Variants in BOP1 observed in about 807,000 individuals in gnomAD.
BOP1 encodes the protein BOP1 ribosomal biogenesis factor.
In BOP1, 54 loss-of-function variants were observed where a neutral mutation model predicts 82.9. The ratio of observed to expected loss-of-function variants is 0.65; its 90% CI spans 0.52 to 0.82. The LOEUF (loss-of-function observed/expected upper bound fraction) is 0.82. BOP1 is among the 40% of genes least tolerant of loss of function. The probability of loss-of-function intolerance (pLI) is 0.00; values close to 1 mark genes in which losing one functional copy is unlikely to be tolerated. For synonymous variants in BOP1, 566 were observed against 451.1 expected (o/e 1.25, Z -3.23); for missense variants, 1,170 against 1,072.0 (o/e 1.09, Z -1.28).
rs782795492 is a variant in BOP1 at position 144,263,238 on chromosome 8, G to A, written c.1588C>T (p.Arg530Cys). The A allele has an allele frequency of 1.1e-5, 18 of 1,594,724 alleles. No individual in the cohort carries two copies. The highest frequency in any genetic ancestry group is 6.7e-5 in the East Asian group (3 of 44,834). Residue 530 changes from arginine to cysteine, a missense_variant, in exon 12 of 16, where the codon CGC becomes TGC. Arg to Cys is a radical substitution (Grantham distance 180). Transcript: ENST00000569669. ...EEERQVGLRL[R>C]ICHGKPVTQV... Reference sequence around the variant, plus strand: ...CCACGTACCTTCCCGTGGCAGATGCGCAGCCGCAGGCCCACTTGGCGCTCC... The same window carrying A: ...CCACGTACCTTCCCGTGGCAGATGCACAGCCGCAGGCCCACTTGGCGCTCC...
At position 144,289,304 on chromosome 8, in the gene BOP1, G is replaced by T; in HGVS notation, c.100C>A (p.Pro34Thr). Reference protein sequence around the residue: ...PELEPEPEPEPPLLCTSPLSH... With the variant: ...PELEPEPEPETPLLCTSPLSH... ...AGAGGAGAGGTGCAGAGGAGGGGGGGCTGCAAGGAAACACTGGGTTGGTGA... is the reference window on the plus strand; with the variant it reads ...AGAGGAGAGGTGCAGAGGAGGGGGGTCTGCAAGGAAACACTGGGTTGGTGA... Residue 34 changes from proline (P) to threonine (T), a missense_variant and splice_region_variant, in exon 2 of 16, where the codon CCC becomes ACC. By Grantham distance (38) the Pro-to-Thr change is conservative (BLOSUM62 -1). Coordinates refer to ENST00000569669, the MANE Select transcript of BOP1 (RefSeq NM_015201.5). 1.9e-6 allele frequency: 3 copies of T among 1,613,452 alleles called. No individual in the cohort carries two copies. Among genetic ancestry groups the T allele is most frequent in the Admixed American group, 3.3e-5 (2 of 59,962 alleles).
chr8:144,291,106 G>C lies in BOP1; in HGVS notation c.99+166C>G, dbSNP rs1554840137. 5.3e-5 allele frequency among the ~76,000 whole-genome samples: 8 copies of C among 150,690 alleles called. No individual in the cohort carries two copies. Among genetic ancestry groups the C allele is most frequent in the Non-Finnish European group, 4.4e-5 (3 of 67,710 alleles). On this transcript the variant is annotated intron_variant, in intron 1 of 15. Coordinates refer to ENST00000569669, the MANE Select transcript of BOP1 (RefSeq NM_015201.5). This position sits in a 1 kb window ranked among gnomAD's most constrained non-coding sequence, Gnocchi z 4.1. The stretch of plus-strand genomic sequence containing the variant: ...GACGCCGTCCTTTACCCCGCAGTCC[G>C]CTCTGCCTGAGACCCCCCGATAGAG...
In BOP1 at chr8:144,262,653, C is replaced by A; in HGVS notation, c.1914G>T (p.Gly638=). The change falls in exon 14 of 16, where the codon GGG becomes GGT. Residue 638 remains glycine (G), a synonymous_variant. Transcript: ENST00000569669. ...VHPAGDNVIC[G]SYDSKLVWFD... ...ACCACACCAGCTTGCTATCGTAGCT[C>A]CCACAGATGACGTTGTCACCTAGGG... 6 of 1,613,416 alleles carry A rather than the reference C, an allele frequency of 3.7e-6. No individual in the cohort carries two copies. The highest frequency in any genetic ancestry group is 5.1e-6 in the Non-Finnish European group (6 of 1,179,808).
In BOP1 at chr8:144,289,303, G is replaced by T. The variant is rs782348320; in HGVS notation, c.101C>A (p.Pro34His). 2.1e-5 allele frequency: 34 copies of T among 1,613,394 alleles called. No individual in the cohort carries two copies. The highest frequency in any genetic ancestry group is 8.3e-5 in the Admixed American group (5 of 59,940). ...PELEPEPEPE[P>H]PLLCTSPLSH... Reference sequence around the variant, plus strand: ...GAGAGGAGAGGTGCAGAGGAGGGGGGGCTGCAAGGAAACACTGGGTTGGTG... The same window carrying T: ...GAGAGGAGAGGTGCAGAGGAGGGGGTGCTGCAAGGAAACACTGGGTTGGTG... Residue 34 changes from proline to histidine, a missense_variant and splice_region_variant, in exon 2 of 16, where the codon CCC becomes CAC. Coordinates refer to ENST00000569669, the MANE Select transcript of BOP1 (RefSeq NM_015201.5).
At chr8:144,267,548 G>A (rs1845404581) in intron 3 of BOP1, among the ~76,000 whole-genome samples, 1 of 152,250 alleles carries the variant, frequency 6.6e-6, no homozygotes, top group African/African-American at 2.4e-5. Flanking sequence ...CAGAAAGTAA[G>A]AGGCTGCAAG....
intron 3 of BOP1, chr8:144,265,363 G>A: frequency 1.8e-6 from 1 of 548,908 alleles, no homozygotes; most frequent in East Asian, 3.1e-5. Context: ...CTTGGCCAGG[G>A]CTCTGGGCAG....
At position 144,291,013 on chromosome 8, in the gene BOP1, C is replaced by A. The variant is rs1484382857; in HGVS notation, c.99+259G>T. 1.3e-5 allele frequency among the ~76,000 whole-genome samples: 2 copies of A among 152,228 alleles called. No individual in the cohort carries two copies. The highest frequency in any genetic ancestry group is 2.9e-5 in the Non-Finnish European group (2 of 68,032). On this transcript the variant is annotated intron_variant, in intron 1 of 15. Coordinates refer to ENST00000569669, the MANE Select transcript of BOP1 (RefSeq NM_015201.5). The surrounding 1 kb of genome is among the most constrained non-coding windows in gnomAD (Gnocchi z 4.1). Reference sequence around the variant, plus strand: ...TTATTGGCAGGATGCACAAATGGAACGGCTGGAGAGGCTGCTGCAAGGGGC... The same window carrying A: ...TTATTGGCAGGATGCACAAATGGAAAGGCTGGAGAGGCTGCTGCAAGGGGC...
At position 144,289,191 on chromosome 8, in the gene BOP1, A is replaced by T. The variant is rs560509493; in HGVS notation, c.213T>A (p.Ser71Arg). 6.2e-7 allele frequency: 1 copy of T among 1,613,912 alleles called. No homozygotes were observed. Among genetic ancestry groups the T allele is most frequent in the Non-Finnish European group, 8.5e-7 (1 of 1,179,960 alleles). Residue 71 changes from serine to arginine, a missense_variant, in exon 2 of 16, where the codon AGT (serine) becomes AGA (arginine). By Grantham distance (110) the Ser-to-Arg change is moderately radical (BLOSUM62 -1). Coordinates refer to ENST00000569669, the MANE Select transcript of BOP1 (RefSeq NM_015201.5). ...SGLEDSGSDS[S>R]EDDDEGDEEG... Reference sequence around the variant, plus strand: ...CCTCGTCGCCTTCGTCATCATCCTCACTGCTGTCACTGCCGGAATCTTCCA... The same window carrying T: ...CCTCGTCGCCTTCGTCATCATCCTCTCTGCTGTCACTGCCGGAATCTTCCA...
intron 3 of BOP1, chr8:144,266,695 C>G (rs1845375769): frequency 3.4e-5 from 42 of 1,232,462 alleles, no homozygotes; most frequent in Non-Finnish European, 4.3e-5. Flanking sequence ...GGACGAGGAC[C>G]GCGGCAGCGA....
At chr8:144,265,483 AT>A (rs1845339319) in intron 3 of BOP1, 1 of 244,410 alleles carries the variant, frequency 4.1e-6, no homozygotes, top group African/African-American at 2.3e-5. Context: ...CAACTGACCC[AT>A]TCCACAGAGA....
chr8:144,276,288 G>T lies in BOP1; in HGVS notation c.326C>A (p.Pro109Gln). 2 of 1,613,440 alleles carry T rather than the reference G, an allele frequency of 1.2e-6. No homozygotes were observed. Among genetic ancestry groups the T allele is most frequent in the South Asian group, 2.2e-5 (2 of 91,074 alleles). Reference protein sequence around the residue: ...EEQVQASTPCPRTEMASARIG... With the variant: ...EEQVQASTPCQRTEMASARIG... Reference sequence around the variant, plus strand: ...CCGGGCGCTCGCCATCTCTGTCCTCGGGCAAGGAGTGCTGGCCTGCAGAGA... The same window carrying T: ...CCGGGCGCTCGCCATCTCTGTCCTCTGGCAAGGAGTGCTGGCCTGCAGAGA... Residue 109 changes from proline to glutamine, a missense_variant, in exon 3 of 16, where the codon CCG becomes CAG. By Grantham distance (76) the Pro-to-Gln change is moderately conservative. Transcript: ENST00000569669.
chr8:144,288,972 G>A, intron 2 of BOP1, 123 bp downstream of exon 2: 1 of 1,054,534 alleles, frequency 9.5e-7, no homozygotes. Context: ...GTGCAGTGAA[G>A]GAGGGACGCC....
chr8:144,262,880 C>T lies in BOP1; in HGVS notation c.1867G>A (p.Val623Met). 6.5e-7 allele frequency: 1 copy of T among 1,538,012 alleles called. No homozygotes were observed. Among genetic ancestry groups the T allele is most frequent in the Non-Finnish European group, 8.7e-7 (1 of 1,148,076 alleles). Residue 623 changes from valine to methionine, a missense_variant, in exon 13 of 16, where the codon GTG becomes ATG. Transcript: ENST00000569669. ...TKKLMPNCKW[V>M]SSLAVHPAGD... ...GCAGGGTGCACCGCCAGGCTGGACA[C>T]CCACTTGCAGTTGGGCATCAGCTTC...
chr8:144,277,448 G>A (rs779679692), intron 2 of BOP1, among the ~76,000 whole-genome samples: 57 of 152,318 alleles, frequency 3.7e-4, no homozygotes, highest in South Asian at 8.3e-4. Context: ...GGCTGCGGTC[G>A]GCTGCCCCCG....
chr8:144,266,664 C>T (rs1845374876), intron 3 of BOP1: 2 of 1,258,490 alleles, frequency 1.6e-6, no homozygotes, highest in Non-Finnish European at 1.0e-6. Flanking sequence ...ACCTGTACCC[C>T]GAGGTGAGCC....
intron 2 of BOP1, among the ~76,000 whole-genome samples, chr8:144,277,617 C>T (rs967129398): frequency 1.2e-4 from 18 of 152,264 alleles, no homozygotes; most frequent in African/African-American, 3.4e-4. Flanking sequence ...CTCTGTGCCC[C>T]GTGGCCCCTG....
intron 3 of BOP1, chr8:144,265,745 TG>T (rs1845347162): frequency 6.5e-6 from 1 of 153,854 alleles, no homozygotes; most frequent in Non-Finnish European, 1.4e-5. Flanking sequence ...AGGGACCCCT[TG>T]GGCCCTGCCC....
intron 11 of BOP1, 32 bp downstream of exon 11, chr8:144,263,446 C>T: frequency 6.3e-7 from 1 of 1,597,888 alleles, no homozygotes; most frequent in Non-Finnish European, 8.5e-7. Flanking sequence ...AGTGCCACCC[C>T]TGGCTCCCCA....
intron 3 of BOP1, among the ~76,000 whole-genome samples, chr8:144,268,682 A>T (rs2130217994): frequency 6.6e-6 from 1 of 152,220 alleles, no homozygotes; most frequent in East Asian, 1.9e-4. Flanking sequence ...ACAGAGCCTC[A>T]TATCGGGAAG....
Sources: allele counts gnomAD v4.1 joint callset (sites outside exome capture counted in the v4.1 genomes callset), GRCh38; gene constraint gnomAD v4.1.1; non-coding constraint Gnocchi (gnomAD v3.1); transcripts MANE v1.5; gene names NCBI Gene and HGNC (gene_info 2026-07-23, HGNC 2026-07-21).